LANCL3: variants seen among roughly 807,000 people sequenced by gnomAD.
LANCL3 encodes lanC-like protein 3.
Under a neutral mutation model 26.5 loss-of-function variants are expected in LANCL3, and 19 were observed. That is an observed-to-expected ratio of 0.72 (90% CI 0.50 to 1.05). The LOEUF is 1.05. Among genes scored for constraint, LANCL3 ranks in the 50% least tolerant of loss-of-function variants. The pLI, the probability that LANCL3 is intolerant of heterozygous loss-of-function variation, is 0.00. For synonymous variants in LANCL3, 160 were observed against 166.6 expected (o/e 0.96, Z 0.30); for missense variants, 318 against 362.7 (o/e 0.88, Z 1.00).
intron 1 of LANCL3, among the ~76,000 whole-genome samples, chrX:37,584,564 G>A (rs1244353061): frequency 9.0e-6 from 1 of 111,326 alleles, no homozygotes; most frequent in Non-Finnish European, 1.9e-5. Context: ...TATGTGTCGA[G>A]GAATTTATCC....
At chrX:37,591,745 C>A (rs11266281) in intron 1 of LANCL3, among the ~76,000 whole-genome samples, 21,462 of 105,594 alleles carry the variant, frequency 0.2, 1,919 homozygotes, top group Admixed American at 0.33. Context: ...GGGGTATGTA[C>A]ATTTTCAGGT....
chrX:37,633,702 C>T lies in LANCL3; in HGVS notation c.574-21986C>T, dbSNP rs980406488. On this transcript the variant is annotated intron_variant, in intron 1 of 4. Transcript: ENST00000378619. ...AGTTTGCTAGAGGTCCACTCCAGAC[C>T]CTGTTTGCCTGGGTATCAGCAGCGG... Among the ~76,000 whole-genome samples the T allele has an allele frequency of 2.7e-5, 3 of 111,650 alleles. No homozygotes were observed. In the Admixed American group the frequency reaches 2.8e-4, roughly 11 times the overall value.
intron 4 of LANCL3, among the ~76,000 whole-genome samples, chrX:37,672,921 A>G (rs1156864267): frequency 1.8e-5 from 2 of 112,264 alleles, no homozygotes; most frequent in Non-Finnish European, 3.8e-5. Flanking sequence ...GTTAAAAAAT[A>G]TGTACCTCCC....
intron 1 of LANCL3, among the ~76,000 whole-genome samples, chrX:37,615,299 T>C (rs1403601852): frequency 6.2e-5 from 7 of 112,313 alleles, no homozygotes; most frequent in African/African-American, 2.3e-4. Context: ...GTGTTGATGC[T>C]ACAGATTTAT....
At chrX:37,649,322 G>A (rs1166566828) in intron 1 of LANCL3, among the ~76,000 whole-genome samples, 1 of 111,658 alleles carries the variant, frequency 9.0e-6, no homozygotes, top group South Asian at 3.8e-4. Context: ...AATGAAGCTG[G>A]AAGGCATCAT....
chrX:37,631,226 A>G (rs1485645221), intron 1 of LANCL3, among the ~76,000 whole-genome samples: 4 of 111,711 alleles, frequency 3.6e-5, no homozygotes, highest in African/African-American at 1.3e-4. Context: ...TAGATTTTCT[A>G]GTTTATTTGT....
rs536436885 is a variant in LANCL3, at chrX:37,657,635, T to C, written c.697+1824T>C. Among the ~76,000 whole-genome samples the C allele has an allele frequency of 1.1e-4, 12 of 109,133 alleles. No homozygotes were observed. The South Asian group carries it at 4.9e-3, about 45-fold the overall frequency. 94.8% of individuals were successfully genotyped at this position (109,133 alleles called of 115,157 possible). A position where few individuals can be genotyped will look rare whatever the true frequency, so the allele number is the denominator to read the frequency against. On this transcript the variant is annotated intron_variant, in intron 2 of 4. Transcript: ENST00000378619. ...CTCAAGTGATCCTACCACCTTAGCC[T>C]CCCAGTATTTTTCAGGTTTTCGTTA...
intron 1 of LANCL3, among the ~76,000 whole-genome samples, chrX:37,613,969 T>G (rs2146737957): frequency 8.9e-6 from 1 of 112,212 alleles, no homozygotes; most frequent in African/African-American, 3.2e-5. Context: ...TGATTTATGC[T>G]TGGACCTGGG....
intron 1 of LANCL3, among the ~76,000 whole-genome samples, chrX:37,641,974 C>T (rs781830355): frequency 1.6e-4 from 18 of 111,520 alleles, no homozygotes; most frequent in Non-Finnish European, 2.8e-4. Context: ...GTCATGGTGA[C>T]GGATTGGAGG....
At chrX:37,579,131 T>G (rs781800105) in intron 1 of LANCL3, among the ~76,000 whole-genome samples, 2 of 111,223 alleles carry the variant, frequency 1.8e-5, no homozygotes, top group African/African-American at 3.3e-5. Context: ...TCTTGCTTAA[T>G]GTACATTGGA....
At chrX:37,629,683 C>T (rs1272031488) in intron 1 of LANCL3, among the ~76,000 whole-genome samples, 3 of 110,442 alleles carry the variant, frequency 2.7e-5, no homozygotes, top group Non-Finnish European at 3.8e-5. Context: ...CCAGTTTTCA[C>T]AGCACCATTT....
intron 1 of LANCL3, among the ~76,000 whole-genome samples, chrX:37,588,933 T>G (rs1278830946): frequency 9.0e-6 from 1 of 111,477 alleles, no homozygotes; most frequent in African/African-American, 3.3e-5. Context: ...TGCTCAGTGG[T>G]GTGTTGAAAT....
chrX:37,674,336 A>G (rs1446008989), intron 4 of LANCL3, among the ~76,000 whole-genome samples: 1 of 112,284 alleles, frequency 8.9e-6, no homozygotes, highest in Non-Finnish European at 1.9e-5. Context: ...TCTTAATTTT[A>G]CAATATGCAG....
At chrX:37,645,477 T>C (rs1042145952) in intron 1 of LANCL3, among the ~76,000 whole-genome samples, 2 of 112,411 alleles carry the variant, frequency 1.8e-5, no homozygotes, top group African/African-American at 6.5e-5. Context: ...CTGGCCACAC[T>C]GGCTAAAAGA....
At position 37,635,186 on chromosome X, in the gene LANCL3, C is replaced by T. The variant is rs73470171; in HGVS notation, c.574-20502C>T. ...AGAGCAAGAAAAGACTTTTAAGATC[C>T]GTTTCATGAATGAGAAAACTGACAT... On this transcript the variant is annotated intron_variant, in intron 1 of 4. Transcript: ENST00000378619. Among the ~76,000 whole-genome samples the T allele has an allele frequency of 6.7e-3, 746 of 111,454 alleles. 8 individuals are homozygous for T. Among genetic ancestry groups the T allele is most frequent in the African/African-American group, 0.023 (711 of 30,737 alleles).
intron 4 of LANCL3, among the ~76,000 whole-genome samples, chrX:37,669,605 C>T (rs1926633119): frequency 9.0e-6 from 1 of 111,705 alleles, no homozygotes. Context: ...TCACTTCCTA[C>T]CATGATTGGA....
intron 2 of LANCL3, among the ~76,000 whole-genome samples, chrX:37,656,265 A>G (rs1290775658): frequency 9.1e-6 from 1 of 110,292 alleles, no homozygotes; most frequent in Non-Finnish European, 1.9e-5. Flanking sequence ...AAAAAAGGGA[A>G]ATTAGTTACT....
rs1556415704 is a variant in LANCL3, at chrX:37,572,223, C to G, written c.353C>G (p.Ala118Gly). ...GGCGAACCGGACGCCGACACCCGCG[C>G]CGCCTTCCTGCTCGGGGGCGCGGGC... ...EWGEPDADTR[A>G]AFLLGGAGVY... The change falls in exon 1 of 5, where the codon GCC becomes GGC. Residue 118 changes from alanine (A) to glycine (G), a missense_variant. By Grantham distance (60) the Ala-to-Gly change is moderately conservative. Transcript: ENST00000378619. 1 of 1,154,587 alleles carries G rather than the reference C, an allele frequency of 8.7e-7. No homozygotes were observed. Among genetic ancestry groups the G allele is most frequent in the Admixed American group, 2.4e-5 (1 of 40,867 alleles).
intron 1 of LANCL3, among the ~76,000 whole-genome samples, chrX:37,586,315 C>G (rs1257226383): frequency 2.9e-4 from 32 of 111,352 alleles, no homozygotes; most frequent in African/African-American, 1.0e-3. Flanking sequence ...GTGACGTTCT[C>G]TGCATTTCCT....
Sources: allele counts gnomAD v4.1 joint callset (sites outside exome capture counted in the v4.1 genomes callset), GRCh38; gene constraint gnomAD v4.1.1; transcripts MANE v1.5; gene names NCBI Gene and HGNC (gene_info 2026-07-23, HGNC 2026-07-21).